LIFR: variants seen among roughly 807,000 people sequenced by gnomAD.
LIFR encodes the protein LIF receptor subunit alpha, also known as leukemia inhibitory factor receptor.
In LIFR, 84 loss-of-function variants were observed where a neutral mutation model predicts 122.2. The ratio of observed to expected loss-of-function variants is 0.69; its 90% CI spans 0.58 to 0.82. LIFR has a LOEUF of 0.82. LIFR is among the 40% of genes least tolerant of loss of function. The probability of loss-of-function intolerance (pLI) is 0.00; values close to 1 mark genes in which losing one functional copy is unlikely to be tolerated. For synonymous variants in LIFR, 422 were observed against 434.7 expected, an observed-to-expected ratio of 0.97 and a Z score of 0.36; for missense variants, 1,294 against 1,311.6, an observed-to-expected ratio of 0.99 and a Z score of 0.21.
rs1268337662 is a variant in LIFR at position 38,556,513 on chromosome 5, G to A, written c.-199C>T. 2 of 150,800 alleles carry A rather than the reference G, an allele frequency of 1.3e-5. No homozygotes were observed. Among genetic ancestry groups the A allele is most frequent in the African/African-American group, 4.8e-5 (2 of 41,256 alleles). 9.3% of individuals were successfully genotyped at this position (150,800 alleles called of 1,614,324 possible). ...TCTCGCCTCCCCTGTGTCGGCGCGA[G>A]GCTGCTTGAGGCGGCCACGGGCGAA... On this transcript the variant is annotated 5_prime_UTR_variant, in exon 1 of 20. Transcript: ENST00000453190.
chr5:38,522,148 T>C (rs1056103594), intron 5 of LIFR, among the ~76,000 whole-genome samples: 1 of 152,214 alleles, frequency 6.6e-6, no homozygotes, highest in Non-Finnish European at 1.5e-5. Context: ...ACGCACAATT[T>C]GCATTCTAGT....
At chr5:38,525,723 C>G (rs568644527) in intron 4 of LIFR, among the ~76,000 whole-genome samples, 8 of 152,104 alleles carry the variant, frequency 5.3e-5, no homozygotes, top group Non-Finnish European at 7.3e-5. Flanking sequence ...AAACGAGAGG[C>G]AAGAAGTTGA....
chr5:38,553,645 T>C (rs1244632555), intron 1 of LIFR, among the ~76,000 whole-genome samples: 1 of 94,728 alleles, frequency 1.1e-5, no homozygotes, highest in Admixed American at 1.0e-4. Context: ...TATATATATA[T>C]ATATATATAT....
chr5:38,496,697 T>C (rs1171313426), intron 12 of LIFR, 102 bp from the exon 13 acceptor site: 1 of 865,894 alleles, frequency 1.2e-6, no homozygotes, highest in South Asian at 1.4e-5. Context: ...AATAACAAGG[T>C]TGGCCAGGCG....
chr5:38,570,417 T>A (rs1173949709), intron 1 of LIFR, among the ~76,000 whole-genome samples: 1 of 152,176 alleles, frequency 6.6e-6, no homozygotes, highest in African/African-American at 2.4e-5. Flanking sequence ...TAGGAAAATA[T>A]AATAGAGTTC....
Position 38,520,980 on chromosome 5 carries a change from T to C in LIFR, c.561+2439A>G, listed in dbSNP as rs79184214. On this transcript the variant is annotated intron_variant, in intron 5 of 19. Coordinates refer to ENST00000453190, the MANE Select transcript of LIFR (RefSeq NM_001127671.2). Reference sequence around the variant, plus strand: ...TTTCTATTTCTGTGGAAAATGACATTGGCATTTTTGTAGGGAATGCATTGA... The same window carrying C: ...TTTCTATTTCTGTGGAAAATGACATCGGCATTTTTGTAGGGAATGCATTGA... Among the ~76,000 whole-genome samples, 640 of 152,336 alleles carry C rather than the reference T, an allele frequency of 4.2e-3. 5 individuals are homozygous for C. The highest frequency in any genetic ancestry group is 0.015 in the African/African-American group (614 of 41,576).
At chr5:38,513,607 A>T (rs931216882) in intron 5 of LIFR, among the ~76,000 whole-genome samples, 2 of 152,256 alleles carry the variant, frequency 1.3e-5, no homozygotes, top group Admixed American at 6.5e-5. Context: ...TCCTCTGCTC[A>T]GCTCCCAGGA....
intron 12 of LIFR, among the ~76,000 whole-genome samples, chr5:38,498,800 C>G (rs1302499871): frequency 6.6e-6 from 1 of 152,170 alleles, no homozygotes; most frequent in Non-Finnish European, 1.5e-5. Flanking sequence ...CAAATACAAT[C>G]TCAAAGCAAT....
At chr5:38,579,474 A>G (rs1313089076) in intron 1 of LIFR, 1 of 152,200 alleles carries the variant, frequency 6.6e-6, no homozygotes, top group African/African-American at 2.4e-5. Flanking sequence ...GAGTCTATGT[A>G]TGGTCAGTTA....
In LIFR at chr5:38,510,781, C is replaced by A. The variant is rs1209174227; in HGVS notation, c.737-63G>T. 2.9e-6 allele frequency: 4 copies of A among 1,369,146 alleles called. No homozygotes were observed. In the Admixed American group the frequency reaches 7.5e-5, roughly 26 times the overall value. 84.8% of individuals were successfully genotyped at this position (1,369,146 alleles called of 1,614,324 possible). ...GAAGTATTTTACATAAACTTTTCTGCATTTTAAGACTTTCTTTTCATAAGA... is the reference window on the plus strand; with the variant it reads ...GAAGTATTTTACATAAACTTTTCTGAATTTTAAGACTTTCTTTTCATAAGA... On this transcript the variant is annotated intron_variant, in intron 6 of 19. Transcript: ENST00000453190.
At chr5:38,566,524 C>T (rs1420598798) in intron 1 of LIFR, among the ~76,000 whole-genome samples, 2 of 152,174 alleles carry the variant, frequency 1.3e-5, no homozygotes, top group African/African-American at 4.8e-5. Context: ...TTTCCAAAGG[C>T]ATTGAGAAGT....
At chr5:38,513,717 C>T (rs144126366) in intron 5 of LIFR, among the ~76,000 whole-genome samples, 2 of 152,102 alleles carry the variant, frequency 1.3e-5, no homozygotes, top group Admixed American at 1.3e-4. Flanking sequence ...TAATATTTGG[C>T]GTTTGCCACC....
intron 1 of LIFR, among the ~76,000 whole-genome samples, chr5:38,545,584 A>C (rs1333879298): frequency 6.6e-6 from 1 of 151,932 alleles, no homozygotes; most frequent in Non-Finnish European, 1.5e-5. Context: ...AATCCAGGGC[A>C]GGGCACGGTG....
intron 18 of LIFR, among the ~76,000 whole-genome samples, chr5:38,483,562 T>A (rs554601544): frequency 6.6e-6 from 1 of 152,160 alleles, no homozygotes; most frequent in Non-Finnish European, 1.5e-5. Context: ...CCTAAGTAGC[T>A]GGGATTACAG....
At chr5:38,606,271 C>A (rs1750326680) in exon 2 of LIFR, 1 of 152,164 alleles carries the variant, frequency 6.6e-6, no homozygotes, top group Non-Finnish European at 1.5e-5. Flanking sequence ...CCTCAGGGAG[C>A]TTTTACTCAT....
chr5:38,598,917 A>G (rs1439487675), upstream of LIFR, among the ~76,000 whole-genome samples: 1 of 152,152 alleles, frequency 6.6e-6, no homozygotes, highest in Non-Finnish European at 1.5e-5. Context: ...GATAATTTGC[A>G]CTCATTATCT....
intron 1 of LIFR, among the ~76,000 whole-genome samples, chr5:38,544,107 A>C (rs1016321627): frequency 2.0e-5 from 3 of 152,014 alleles, no homozygotes; most frequent in African/African-American, 7.3e-5. Flanking sequence ...GAAGGAAAAA[A>C]CACCCATCAT....
intron 5 of LIFR, 95 bp from the exon 6 acceptor site, chr5:38,512,059 A>G: frequency 8.3e-7 from 1 of 1,201,456 alleles, no homozygotes; most frequent in Non-Finnish European, 1.2e-6. Context: ...CCATACAATC[A>G]TCAGCTAAGT....
chr5:38,606,619 C>T (rs921522130), intron 1 of LIFR, among the ~76,000 whole-genome samples: 5 of 152,194 alleles, frequency 3.3e-5, no homozygotes, highest in African/African-American at 1.2e-4. Flanking sequence ...ACATCTGATT[C>T]CATCCTAAAC....
Sources: allele counts gnomAD v4.1 joint callset (sites outside exome capture counted in the v4.1 genomes callset), GRCh38; gene constraint gnomAD v4.1.1; transcripts MANE v1.5; gene names NCBI Gene and HGNC (gene_info 2026-07-23, HGNC 2026-07-21).